Variants in VAMP3 observed in about 807,000 individuals in gnomAD.
VAMP3 encodes the protein vesicle associated membrane protein 3.
VAMP3 carries 11 observed loss-of-function variants against 18.1 expected under a neutral mutation model. That is an observed-to-expected ratio of 0.61 (90% CI 0.38 to 1.00). VAMP3 has a LOEUF of 1.00. Ranked by LOEUF, VAMP3 falls within the 50% of genes least tolerant of loss-of-function variation. The pLI is 0.01. For synonymous variants in VAMP3, 49 were observed against 43.1 expected, an observed-to-expected ratio of 1.14 and a Z score of -0.53; for missense variants, 122 against 127.3, an observed-to-expected ratio of 0.96 and a Z score of 0.20.
intron 4 of VAMP3, 64 bp from the exon 5 acceptor site, chr1:7,779,562 G>C: frequency 6.2e-7 from 1 of 1,609,814 alleles, no homozygotes; most frequent in Non-Finnish European, 8.5e-7. Flanking sequence ...TGTTGGCTTG[G>C]GATTCACACT....
chr1:7,771,545 C>T (rs913325236), intron 1 of VAMP3, among the ~76,000 whole-genome samples, 160 bp downstream of exon 1: 1 of 152,002 alleles, frequency 6.6e-6, no homozygotes, highest in African/African-American at 2.4e-5. Context: ...CCTTGGGTCG[C>T]GGGCTGCAGA....
At chr1:7,777,628 CTGGAAT>C (rs2097054934) in intron 3 of VAMP3, among the ~76,000 whole-genome samples, 1 of 152,182 alleles carries the variant, frequency 6.6e-6, no homozygotes, top group Non-Finnish European at 1.5e-5. Context: ...TAGGAGAGGG[CTGGAAT>C]TGGTCAGTTT....
chr1:7,771,299 C>G lies in VAMP3; in HGVS notation c.-85C>G. On this transcript the variant is annotated 5_prime_UTR_variant, in exon 1 of 5. Coordinates refer to ENST00000054666, the MANE Select transcript of VAMP3 (RefSeq NM_004781.4). ...CGTCTTTGCCCCGCGCCGCGCCGTC[C>G]CACCCATCTCCCTGGCCTCCGGTCC... 6.5e-7 allele frequency: 1 copy of G among 1,550,342 alleles called. No homozygotes were observed.
chr1:7,771,640 T>TGCCCGCCCGCA (rs1010718172), intron 1 of VAMP3, among the ~76,000 whole-genome samples: 1 of 152,038 alleles, frequency 6.6e-6, no homozygotes, highest in Admixed American at 6.5e-5. Context: ...GGAAGTGAGC[T>TGCCCGCCCGCA]GCCCGCCCGC....
chr1:7,779,605 T>C (rs1221144622), intron 4 of VAMP3, 21 bp from the exon 5 acceptor site: 2 of 1,614,006 alleles, frequency 1.2e-6, no homozygotes, highest in Non-Finnish European at 1.7e-6. Context: ...CCTGCCTTTT[T>C]GCATCTCTCC....
At chr1:7,774,142 C>T (rs1035635011) in intron 2 of VAMP3, among the ~76,000 whole-genome samples, 2 of 152,232 alleles carry the variant, frequency 1.3e-5, no homozygotes, top group African/African-American at 2.4e-5. Context: ...TAAAAGCCGT[C>T]ACTGTCCGAC....
chr1:7,777,616 G>C (rs2301489), intron 3 of VAMP3, among the ~76,000 whole-genome samples: 35,936 of 152,030 alleles, frequency 0.24, 4,583 homozygotes, highest in East Asian at 0.39. Flanking sequence ...GCCCCAAACA[G>C]ATAGGAGAGG....
chr1:7,773,139 G>C (rs957870006), intron 1 of VAMP3: 1 of 314,604 alleles, frequency 3.2e-6, no homozygotes, highest in Non-Finnish European at 5.9e-6. Flanking sequence ...CTTAGAACAA[G>C]TTTCAAAAAA....
chr1:7,778,401 T>C (rs2097055384), intron 4 of VAMP3, among the ~76,000 whole-genome samples: 1 of 152,112 alleles, frequency 6.6e-6, no homozygotes, highest in East Asian at 1.9e-4. Context: ...GGCATGGTAG[T>C]GCACACCTGT....
intron 1 of VAMP3, 118 bp downstream of exon 1, chr1:7,771,503 G>T: frequency 1.6e-6 from 2 of 1,289,888 alleles, no homozygotes; most frequent in Non-Finnish European, 2.0e-6. Context: ...GGGGCTGCGC[G>T]GGGATCCCGA....
intron 4 of VAMP3, among the ~76,000 whole-genome samples, chr1:7,778,624 T>C (rs762233619): frequency 2.6e-5 from 4 of 152,232 alleles, no homozygotes; most frequent in Non-Finnish European, 5.9e-5. Context: ...AAGTCTGAGA[T>C]TTGATACAAA....
chr1:7,772,097 A>G (rs1319337470), intron 1 of VAMP3, among the ~76,000 whole-genome samples: 1 of 152,208 alleles, frequency 6.6e-6, no homozygotes, highest in Non-Finnish European at 1.5e-5. Context: ...TCTAGAGCCA[A>G]GGTACACAGG....
intron 1 of VAMP3, 47 bp downstream of exon 1, chr1:7,771,432 C>T (rs1051393072): frequency 2.6e-6 from 4 of 1,518,256 alleles, no homozygotes; most frequent in Admixed American, 2.0e-5. Flanking sequence ...CCGCAGGCGG[C>T]AGCTCGCGCT....
chr1:7,773,370 T>A, intron 1 of VAMP3, 72 bp from the exon 2 acceptor site: 1 of 1,258,150 alleles, frequency 7.9e-7, no homozygotes, highest in East Asian at 2.4e-5. Flanking sequence ...AGTCCCGGAG[T>A]AACATCTTTA....
In VAMP3 at chr1:7,775,918, A is replaced by G. The variant is rs543984008; in HGVS notation, c.73-1242A>G. On this transcript the variant is annotated intron_variant, in intron 2 of 4. Coordinates refer to ENST00000054666, the MANE Select transcript of VAMP3 (RefSeq NM_004781.4). The stretch of plus-strand genomic sequence containing the variant: ...ATGTTGGCTCTTCAATTGGCCCAGC[A>G]CTGTTTATTGAAAAGACTGTTGGAT... Among the ~76,000 whole-genome samples the G allele has an allele frequency of 1.5e-3, 229 of 152,284 alleles. 1 individual carries two copies. The highest frequency in any genetic ancestry group is 5.4e-3 in the African/African-American group (225 of 41,568).
intron 2 of VAMP3, among the ~76,000 whole-genome samples, chr1:7,775,285 G>A (rs1406026609): frequency 3.3e-5 from 5 of 152,068 alleles, no homozygotes; most frequent in Non-Finnish European, 7.4e-5. Flanking sequence ...TATCAGACAT[G>A]TGATTTGCAA....
At chr1:7,779,023 G>A (rs765774251) in intron 4 of VAMP3, among the ~76,000 whole-genome samples, 11 of 151,988 alleles carry the variant, frequency 7.2e-5, no homozygotes, top group Non-Finnish European at 1.5e-4. Context: ...GTGAAACCCC[G>A]TCTCTACTAA....
At position 7,779,763 on chromosome 1, in the gene VAMP3, T is replaced by A; in HGVS notation, c.*118T>A. On this transcript the variant is annotated 3_prime_UTR_variant, in exon 5 of 5. Coordinates refer to ENST00000054666, the MANE Select transcript of VAMP3 (RefSeq NM_004781.4). ...CTCTAAAATTTTTTTTGTGTTAATGTAAAGTTGAATTTCTAGGAAACGTGC... is the reference window on the plus strand; with the variant it reads ...CTCTAAAATTTTTTTTGTGTTAATGAAAAGTTGAATTTCTAGGAAACGTGC... The A allele has an allele frequency of 7.2e-7, 1 of 1,391,368 alleles. No individual in the cohort carries two copies. The highest frequency in any genetic ancestry group is 1.0e-6 in the Non-Finnish European group (1 of 1,001,366). 86.2% of individuals were successfully genotyped at this position (1,391,368 alleles called of 1,614,324 possible).
In VAMP3 at chr1:7,775,176, T is replaced by C. The variant is rs571896729; in HGVS notation, c.72+1665T>C. ...TTCATGTGCTTATTGGCCATTTGTA[T>C]GTCTTTGAAGAAATGTCTGTTCAGG... On this transcript the variant is annotated intron_variant, in intron 2 of 4. Coordinates refer to ENST00000054666, the MANE Select transcript of VAMP3 (RefSeq NM_004781.4). 2.6e-5 allele frequency among the ~76,000 whole-genome samples: 4 copies of C among 152,372 alleles called. No individual in the cohort carries two copies. The South Asian group carries it at 6.2e-4, about 24-fold the overall frequency.
Sources: gnomAD v4.1 joint callset for allele counts (sites outside exome capture counted in the v4.1 genomes callset) on GRCh38, gnomAD v4.1.1 for gene constraint, MANE v1.5 for transcripts, NCBI Gene and HGNC (gene_info 2026-07-23, HGNC 2026-07-21) for gene names.